The following NTMT1 variants were observed in gnomAD, a reference collection of about 807,000 sequenced individuals.
The protein encoded by NTMT1 is N-terminal Xaa-Pro-Lys N-methyltransferase 1.
In NTMT1, 8 loss-of-function variants were observed where a neutral mutation model predicts 17.5. The observed-to-expected ratio is 0.46, with a 90% CI of 0.27 to 0.82. The LOEUF is 0.82. NTMT1 is among the 40% of genes least tolerant of loss of function. The probability of loss-of-function intolerance (pLI) is 0.15; values close to 1 mark genes in which losing one functional copy is unlikely to be tolerated. For synonymous variants in NTMT1, 128 were observed against 126.8 expected (o/e 1.01, Z -0.06); for missense variants, 221 against 303.5 (o/e 0.73, Z 2.02).
At chr9:129,633,404 C>T (rs930605455) in intron 2 of NTMT1, 4 of 195,042 alleles carry the variant, frequency 2.1e-5, no homozygotes, top group African/African-American at 9.3e-5. Flanking sequence ...CCTTGTTCAC[C>T]TGTTGCCCCG....
At chr9:129,617,108 G>A (rs555043315) in intron 1 of NTMT1, among the ~76,000 whole-genome samples, 2 of 152,294 alleles carry the variant, frequency 1.3e-5, no homozygotes, top group South Asian at 4.1e-4. Flanking sequence ...GCAAGGCTGC[G>A]GGAAGGCCTG....
intron 1 of NTMT1, among the ~76,000 whole-genome samples, chr9:129,619,014 G>A (rs76862731): frequency 0.02 from 3,022 of 152,050 alleles, 100 homozygotes; most frequent in African/African-American, 0.07. Context: ...GTGCCCTGCC[G>A]AAGTGTGGGA....
In NTMT1 at chr9:129,633,121, C is replaced by G. The variant is rs1315282075; in HGVS notation, c.162+256C>G. 6.0e-6 allele frequency: 3 copies of G among 501,672 alleles called. No homozygotes were observed. The Admixed American group carries it at 1.1e-4, about 18-fold the overall frequency. The allele number at this position is 501,672 out of a possible 1,614,324, so 31.1% of individuals were successfully genotyped here. On this transcript the variant is annotated intron_variant, in intron 2 of 3. Coordinates refer to ENST00000372483, the MANE Select transcript of NTMT1 (RefSeq NM_014064.4). ...AGGTGCCTGAATTGGGCAAACCTCT[C>G]TTCAACTGTTGGGTTTTGCCAGGGA...
intron 2 of NTMT1, 82 bp downstream of exon 2, chr9:129,632,947 A>G (rs753700211): frequency 6.8e-7 from 1 of 1,464,308 alleles, no homozygotes; most frequent in Non-Finnish European, 9.4e-7. Flanking sequence ...CACCTTTTAC[A>G]CATGTAACAC....
At chr9:129,623,828 C>T (rs12237649), upstream of NTMT1, among the ~76,000 whole-genome samples, 122,699 of 130,366 alleles carry the variant, frequency 0.94, 57,789 homozygotes, top group Middle Eastern at 0.96. Flanking sequence ...CTTTTCTTTT[C>T]TTTTTTTTTT....
At position 129,613,007 on chromosome 9, in the gene NTMT1, T is replaced by A; in HGVS notation, c.-55+3829T>A. 1 of 1,502,656 alleles carries A rather than the reference T, an allele frequency of 6.7e-7. No homozygotes were observed. Among genetic ancestry groups the A allele is most frequent in the Non-Finnish European group, 9.0e-7 (1 of 1,108,920 alleles). 93.1% of individuals were successfully genotyped at this position (1,502,656 alleles called of 1,614,324 possible). A position where few individuals can be genotyped will look rare whatever the true frequency, so the allele number is the denominator to read the frequency against. On this transcript the variant is annotated intron_variant, in intron 1 of 3. Transcript: ENST00000372486. The surrounding 1 kb of genome is among the most constrained non-coding windows in gnomAD (Gnocchi z 6.2). ...GACTTGGCTCTCAGGGAGGGTCCAC[T>A]CCCAGCCCCAGCCACTCCACCAAAC... is the stretch of plus-strand genomic sequence containing the variant.
upstream of NTMT1, among the ~76,000 whole-genome samples, chr9:129,624,687 T>C (rs7037686): frequency 4.0e-3 from 602 of 152,354 alleles, 8 homozygotes; most frequent in African/African-American, 0.014. Context: ...TGGAAAGCAA[T>C]GGCGCGATCT....
chr9:129,619,320 G>C (rs557484357), intron 1 of NTMT1, among the ~76,000 whole-genome samples: 10 of 152,238 alleles, frequency 6.6e-5, no homozygotes, highest in Non-Finnish European at 1.0e-4. Context: ...ATTAATGGAT[G>C]GGTTGATTCA....
Position 129,634,137 on chromosome 9 carries a change from G to A in NTMT1, c.246G>A (p.Pro82=), listed in dbSNP as rs746709779. The A allele has an allele frequency of 3.0e-5, 48 of 1,614,058 alleles. No homozygotes were observed. Among genetic ancestry groups the A allele is most frequent in the South Asian group, 1.9e-4 (17 of 91,086 alleles). Residue 82 remains proline, a synonymous_variant, in exon 3 of 4, where the codon CCG becomes CCA. Coordinates refer to ENST00000372483, the MANE Select transcript of NTMT1 (RefSeq NM_014064.4). ...IGRITKRLLL[P]LFREVDMVDI... is the part of the protein sequence containing the mutation. ...GGATCACCAAGCGGCTGCTCCTGCC[G>A]CTGTTCAGAGAGGTGGATATGGTCG...
rs1464678689 is a variant in NTMT1, at chr9:129,620,576, C to CTTGGCCCCG, written c.-55+11399_-55+11407dup. 18 of 1,358,642 alleles carry CTTGGCCCCG rather than the reference C, an allele frequency of 1.3e-5. No homozygotes were observed. In the East Asian group the frequency reaches 5.0e-4, roughly 38 times the overall value. 84.2% of individuals were successfully genotyped at this position (1,358,642 alleles called of 1,614,324 possible). A position where few individuals can be genotyped will look rare whatever the true frequency, so the allele number is the denominator to read the frequency against. Reference sequence around the variant, plus strand: ...TGGGCGAAGTCGACGCCAGAACATGCTTGGCCCCGCACTCAGCTCACCGCA... The same window carrying CTTGGCCCCG: ...TGGGCGAAGTCGACGCCAGAACATGCTTGGCCCCGTTGGCCCCGCACTCAGCTCACCGCA... On this transcript the variant is annotated intron_variant, in intron 1 of 3. Coordinates refer to the NTMT1 transcript ENST00000372486. The surrounding 1 kb of genome is among the most constrained non-coding windows in gnomAD (Gnocchi z 5.8).
In NTMT1 at chr9:129,635,302, C is replaced by G. The variant is rs1192117176; in HGVS notation, c.510C>G (p.Ala170=). The stretch of plus-strand genomic sequence containing the variant: ...TCATCGTCATCAAAGACAACATGGC[C>G]CAGGAGGGCGTGATTCTGGACGACG... ...NGIIVIKDNM[A]QEGVILDDVD... Residue 170 remains alanine, a synonymous_variant, in exon 4 of 4, where the codon GCC becomes GCG. Transcript: ENST00000372483. 5 of 1,613,800 alleles carry G rather than the reference C, an allele frequency of 3.1e-6. No individual in the cohort carries two copies. The highest frequency in any genetic ancestry group is 4.2e-6 in the Non-Finnish European group (5 of 1,180,038).
chr9:129,635,296 C>T lies in NTMT1; in HGVS notation c.504C>T (p.Asn168=). ...ACGGCATCATCGTCATCAAAGACAA[C>T]ATGGCCCAGGAGGGCGTGATTCTGG... The part of the protein sequence containing the change: ...RPNGIIVIKD[N]MAQEGVILDD... The change falls in exon 4 of 4, where the codon AAC becomes AAT. Residue 168 remains asparagine, a synonymous_variant. Coordinates refer to ENST00000372483, the MANE Select transcript of NTMT1 (RefSeq NM_014064.4). The T allele has an allele frequency of 6.2e-7, 1 of 1,613,798 alleles. No homozygotes were observed. The highest frequency in any genetic ancestry group is 8.5e-7 in the Non-Finnish European group (1 of 1,180,046).
chr9:129,626,476 G>T (rs545278610), intron 1 of NTMT1, 181 bp downstream of exon 1: 1 of 152,438 alleles, frequency 6.6e-6, no homozygotes, highest in Admixed American at 6.5e-5. Context: ...GCCGGACCTG[G>T]GCAGGGACTA....
chr9:129,627,215 CAAGGATGGCATCTAAA>C (rs1217036991), intron 1 of NTMT1, among the ~76,000 whole-genome samples: 1 of 152,122 alleles, frequency 6.6e-6, no homozygotes, highest in African/African-American at 2.4e-5. Context: ...CCTAGGATCA[CAAGGATGGCATCTAAA>C]AAATCTCGGT....
chr9:129,634,039 G>A lies in NTMT1; in HGVS notation c.163-15G>A. 6.2e-7 allele frequency: 1 copy of A among 1,612,386 alleles called. No individual in the cohort carries two copies. The highest frequency in any genetic ancestry group is 8.5e-7 in the Non-Finnish European group (1 of 1,178,864). On this transcript the variant is annotated splice_polypyrimidine_tract_variant and intron_variant, in intron 2 of 3. Coordinates refer to ENST00000372483, the MANE Select transcript of NTMT1 (RefSeq NM_014064.4). ...ACAGGGTCCCTCTGATAGGTTATAT[G>A]CCTCTGCTTTTCAGGAAGGCCCGAA...
intron 1 of NTMT1, chr9:129,619,688 T>G (rs41278710): frequency 6.2e-7 from 1 of 1,612,756 alleles, no homozygotes; most frequent in Non-Finnish European, 8.5e-7. Context: ...TGTCCCGCCC[T>G]GGAAACATCG....
chr9:129,619,954 T>C, intron 1 of NTMT1: 1 of 1,488,536 alleles, frequency 6.7e-7, no homozygotes, highest in South Asian at 1.2e-5. Context: ...GATACTCAGC[T>C]AACATTAGCA....
chr9:129,615,343 C>G (rs896728775), intron 1 of NTMT1: 6 of 930,300 alleles, frequency 6.4e-6, no homozygotes, highest in East Asian at 5.9e-5. Context: ...GAGGCCAGTT[C>G]AGGCACATCC....
At chr9:129,621,647 C>T (rs1564340650), upstream of NTMT1, among the ~76,000 whole-genome samples, 1 of 152,298 alleles carries the variant, frequency 6.6e-6, no homozygotes, top group East Asian at 1.9e-4. Flanking sequence ...GGATCACAGG[C>T]GTGAGTCCCC....
Sources: gnomAD v4.1 joint callset for allele counts (sites outside exome capture counted in the v4.1 genomes callset) on GRCh38, gnomAD v4.1.1 for gene constraint, Gnocchi (gnomAD v3.1) non-coding constraint, MANE v1.5 for transcripts, NCBI Gene and HGNC (gene_info 2026-07-23, HGNC 2026-07-21) for gene names.